FRMPD4: variants seen among roughly 807,000 people sequenced by gnomAD.
FRMPD4 encodes FERM and PDZ domain containing 4.
Under a neutral mutation model 94.1 loss-of-function variants are expected in FRMPD4, and 22 were observed. The observed-to-expected ratio is 0.23, with a 90% confidence interval of 0.17 to 0.33. FRMPD4 has a LOEUF of 0.33. Among genes scored for constraint, FRMPD4 ranks in the 10% least tolerant of loss-of-function variants. FRMPD4 has a pLI of 1.00. For synonymous variants in FRMPD4, 631 were observed against 548.6 expected (o/e 1.15, Z -2.10); for missense variants, 1,111 against 1,339.9 (o/e 0.83, Z 2.67).
chrX:12,417,858 G>T (rs1248138125), intron 1 of FRMPD4, among the ~76,000 whole-genome samples: 1 of 107,837 alleles, frequency 9.3e-6, no homozygotes, highest in Non-Finnish European at 1.9e-5. Flanking sequence ...GCCGGGCGTG[G>T]TGGTGGGCGC....
chrX:12,253,384 T>C (rs1004883947), intron 1 of FRMPD4, among the ~76,000 whole-genome samples: 3 of 112,456 alleles, frequency 2.7e-5, no homozygotes, highest in African/African-American at 9.7e-5. Flanking sequence ...TTCATAATAA[T>C]TTGTGGTACT....
At chrX:12,346,430 A>G (rs2055711902) in intron 1 of FRMPD4, among the ~76,000 whole-genome samples, 1 of 111,529 alleles carries the variant, frequency 9.0e-6, no homozygotes, top group Admixed American at 9.6e-5. Context: ...TTGAAGTTCA[A>G]ACCTTCTCAG....
chrX:11,830,893 G>T (rs1369865830), intron 1 of FRMPD4, among the ~76,000 whole-genome samples: 1 of 111,174 alleles, frequency 9.0e-6, no homozygotes. Context: ...ATTTTTTATG[G>T]GATAATTTTG....
chrX:12,450,160 T>A (rs957718255), intron 1 of FRMPD4, among the ~76,000 whole-genome samples: 4 of 110,375 alleles, frequency 3.6e-5, no homozygotes, highest in Non-Finnish European at 5.7e-5. Flanking sequence ...GCTACAAAAT[T>A]AATAAAAAGA....
intron 1 of FRMPD4, among the ~76,000 whole-genome samples, chrX:12,378,259 C>G (rs900006321): frequency 1.8e-5 from 2 of 112,519 alleles, no homozygotes; most frequent in Admixed American, 9.4e-5. Context: ...AGTCGTTGTT[C>G]TTCTTCTTGT....
intron 1 of FRMPD4, among the ~76,000 whole-genome samples, chrX:12,469,246 T>C (rs1459464856): frequency 3.6e-5 from 4 of 110,931 alleles, no homozygotes; most frequent in African/African-American, 1.3e-4. Context: ...TCTTTTTTGG[T>C]TTTTTGTTTG....
chrX:12,190,939 A>G (rs1035491170), intron 1 of FRMPD4, among the ~76,000 whole-genome samples: 3 of 111,880 alleles, frequency 2.7e-5, no homozygotes, highest in African/African-American at 9.7e-5. Context: ...CTCTTCTGCA[A>G]AAGACACTGT....
chrX:11,886,159 C>G (rs773251872), intron 3 of FRMPD4, among the ~76,000 whole-genome samples: 1 of 111,466 alleles, frequency 9.0e-6, no homozygotes, highest in East Asian at 2.8e-4. Context: ...TTTTCCCACA[C>G]AAATCAGGAA....
At chrX:12,648,677 C>G (rs1106642) in intron 4 of FRMPD4, among the ~76,000 whole-genome samples, 38,162 of 111,176 alleles carry the variant, frequency 0.34, 5,534 homozygotes, top group Non-Finnish European at 0.46. Context: ...GCTTCAGAAC[C>G]CAAAGATGAA....
intron 3 of FRMPD4, among the ~76,000 whole-genome samples, chrX:11,901,931 G>A (rs1157449719): frequency 3.6e-5 from 4 of 111,353 alleles, no homozygotes; most frequent in African/African-American, 1.3e-4. Context: ...CATGTCCTTT[G>A]CCTGCTTCGT....
chrX:12,112,010 G>A (rs1381536947), intron 3 of FRMPD4, among the ~76,000 whole-genome samples: 5 of 110,544 alleles, frequency 4.5e-5, no homozygotes, highest in African/African-American at 9.9e-5. Flanking sequence ...ACAGTGTGGC[G>A]ATTCCTCAAG....
intron 3 of FRMPD4, among the ~76,000 whole-genome samples, chrX:11,994,335 T>C (rs781492729): frequency 1.2e-4 from 13 of 111,424 alleles, no homozygotes; most frequent in African/African-American, 3.6e-4. Context: ...TGTTATTTTT[T>C]CCCAAAATTA....
intron 3 of FRMPD4, among the ~76,000 whole-genome samples, chrX:12,114,432 A>G (rs1269021958): frequency 8.9e-6 from 1 of 112,290 alleles, no homozygotes; most frequent in Non-Finnish European, 1.9e-5. Context: ...TCTCTCTTCC[A>G]GAGTTGTTCC....
intron 3 of FRMPD4, among the ~76,000 whole-genome samples, chrX:11,949,270 C>A (rs1239321687): frequency 8.9e-6 from 1 of 112,116 alleles, no homozygotes; most frequent in Admixed American, 9.5e-5. Flanking sequence ...TACAAGATGG[C>A]CGTTCCCTTA....
intron 1 of FRMPD4, among the ~76,000 whole-genome samples, chrX:12,266,160 A>G (rs13440640): frequency 3.9e-4 from 40 of 103,787 alleles, no homozygotes; most frequent in African/African-American, 1.2e-3. Context: ...AAAAAAAAAA[A>G]AGAGAAAACA....
At chrX:12,367,636 G>A (rs767426051) in intron 1 of FRMPD4, among the ~76,000 whole-genome samples, 2 of 111,008 alleles carry the variant, frequency 1.8e-5, no homozygotes, top group East Asian at 2.8e-4. Flanking sequence ...CAGAAGTGTC[G>A]GATGGTGGCA....
intron 6 of FRMPD4, among the ~76,000 whole-genome samples, chrX:12,684,599 T>A (rs4240149): frequency 9.1e-6 from 1 of 110,185 alleles, no homozygotes; most frequent in Non-Finnish European, 1.9e-5. Context: ...CCTCTCAATG[T>A]GTCCCATCAC....
Position 12,718,744 on chromosome X carries a change from A to T in FRMPD4, c.3918A>T (p.Thr1306=), listed in dbSNP as rs758038833. ...TAINTEPLFG[T]LRDGCHRLPK... Reference sequence around the variant, plus strand: ...TTAACACCGAACCCCTGTTTGGCACATTGAGAGATGGATGCCATCGGCTCC... The same window carrying T: ...TTAACACCGAACCCCTGTTTGGCACTTTGAGAGATGGATGCCATCGGCTCC... Residue 1306 remains threonine, a synonymous_variant, in exon 16 of 17, where the codon ACA becomes ACT. Transcript: ENST00000675598. 4.6e-5 allele frequency: 55 copies of T among 1,206,490 alleles called. No homozygotes were observed. Among genetic ancestry groups the T allele is most frequent in the Non-Finnish European group, 1.5e-5 (13 of 892,132 alleles).
At chrX:12,116,261 A>G (rs1393585228) in intron 3 of FRMPD4, among the ~76,000 whole-genome samples, 2 of 111,674 alleles carry the variant, frequency 1.8e-5, no homozygotes, top group African/African-American at 3.3e-5. Flanking sequence ...AGCCCTTTCA[A>G]CCTTCTCTCT....
Sources: allele counts gnomAD v4.1 joint callset (sites outside exome capture counted in the v4.1 genomes callset), GRCh38; gene constraint gnomAD v4.1.1; transcripts MANE v1.5; gene names NCBI Gene and HGNC (gene_info 2026-07-23, HGNC 2026-07-21).